Variants in HCN1 observed in about 807,000 individuals in gnomAD.
The protein encoded by HCN1 is hyperpolarization activated cyclic nucleotide gated potassium channel 1.
Under a neutral mutation model 78.9 loss-of-function variants are expected in HCN1, and 13 were observed. The ratio of observed to expected loss-of-function variants is 0.16; its 90% CI spans 0.11 to 0.26. The LOEUF (loss-of-function observed/expected upper bound fraction) is 0.26. Ranked by LOEUF, HCN1 falls within the 10% of genes least tolerant of loss-of-function variation. The pLI, the probability that HCN1 is intolerant of heterozygous loss-of-function variation, is 1.00. For missense variants in HCN1, 810 were observed against 1,154.3 expected, an observed-to-expected ratio of 0.70 and a Z score of 4.32; for synonymous variants, 552 against 455.5, an observed-to-expected ratio of 1.21 and a Z score of -2.70.
chr5:45,398,880 C>T (rs1739739849), intron 3 of HCN1, among the ~76,000 whole-genome samples: 3 of 152,178 alleles, frequency 2.0e-5, no homozygotes, highest in African/African-American at 7.2e-5. Flanking sequence ...TTTGCAGCAG[C>T]TTTCAAAACT....
chr5:45,660,556 C>T (rs976082140), intron 1 of HCN1, among the ~76,000 whole-genome samples: 25 of 151,982 alleles, frequency 1.6e-4, no homozygotes, highest in African/African-American at 5.8e-4. Context: ...ATTCAGGAAA[C>T]CCATCTCATG....
intron 3 of HCN1, among the ~76,000 whole-genome samples, chr5:45,418,011 A>G (rs1179420255): frequency 6.6e-6 from 1 of 151,928 alleles, no homozygotes; most frequent in Non-Finnish European, 1.5e-5. Flanking sequence ...GTCTCTTATT[A>G]GAATGGCATA....
intron 2 of HCN1, chr5:45,644,115 G>A (rs985032866): frequency 2.0e-5 from 3 of 152,062 alleles, no homozygotes; most frequent in Admixed American, 6.6e-5. Context: ...CACTGCTACC[G>A]CCTCACAGAA....
At chr5:45,283,526 C>G (rs1745209120) in intron 6 of HCN1, among the ~76,000 whole-genome samples, 1 of 151,958 alleles carries the variant, frequency 6.6e-6, no homozygotes, top group Non-Finnish European at 1.5e-5. Flanking sequence ...ATGCGGCCAA[C>G]AATCATATGA....
intron 2 of HCN1, chr5:45,643,539 A>G (rs919425839): frequency 3.3e-5 from 5 of 152,158 alleles, no homozygotes; most frequent in African/African-American, 1.2e-4. Context: ...TATAACTAAA[A>G]CATTATATAT....
intron 2 of HCN1, among the ~76,000 whole-genome samples, chr5:45,594,031 C>G (rs1744438451): frequency 6.6e-6 from 1 of 152,110 alleles, no homozygotes; most frequent in Non-Finnish European, 1.5e-5. Flanking sequence ...CTAGGTCAGA[C>G]ACTTTGAGAG....
chr5:45,301,224 T>C (rs1745611360), intron 6 of HCN1, among the ~76,000 whole-genome samples: 1 of 151,456 alleles, frequency 6.6e-6, no homozygotes, highest in Non-Finnish European at 1.5e-5. Flanking sequence ...CCTTCATTAA[T>C]TATTTTGGAA....
intron 5 of HCN1, among the ~76,000 whole-genome samples, chr5:45,332,833 T>A (rs1483075346): frequency 1.3e-5 from 2 of 151,782 alleles, no homozygotes; most frequent in Admixed American, 6.6e-5. Context: ...TTTTTTTTTA[T>A]GGCTGAAAAG....
intron 6 of HCN1, among the ~76,000 whole-genome samples, chr5:45,293,799 T>A (rs918475917): frequency 6.6e-6 from 1 of 151,902 alleles, no homozygotes; most frequent in Non-Finnish European, 1.5e-5. Flanking sequence ...TCTCACACAA[T>A]GAGTTAGCAA....
chr5:45,667,184 T>C (rs985620771), intron 1 of HCN1, among the ~76,000 whole-genome samples: 2 of 151,918 alleles, frequency 1.3e-5, no homozygotes, highest in African/African-American at 4.8e-5. Context: ...AGAATGATTG[T>C]GGGCATACTT....
intron 4 of HCN1, among the ~76,000 whole-genome samples, chr5:45,390,866 T>C (rs1180666240): frequency 3.3e-5 from 5 of 152,134 alleles, no homozygotes; most frequent in African/African-American, 9.7e-5. Context: ...TAAAGCAACA[T>C]TGTTGTACCA....
rs994051451 is a variant in HCN1 at position 45,371,756 on chromosome 5, CA to C, written c.1231-18511del. Among the ~76,000 whole-genome samples the C allele has an allele frequency of 1.3e-3, 165 of 125,070 alleles. 1 individual carries two copies. The highest frequency in any genetic ancestry group is 3.6e-3 in the African/African-American group (115 of 32,192). The allele number at this position is 125,070 out of a possible 152,430, so 82.1% of individuals were successfully genotyped here. A position where few individuals can be genotyped will look rare whatever the true frequency, so the allele number is the denominator to read the frequency against. ...TGGGTGACAGTGAGAGACTCCATCT[CA>C]AAAAAAAAAATATATATATATATGT... On this transcript the variant is annotated intron_variant, in intron 4 of 7. Coordinates refer to ENST00000303230, the MANE Select transcript of HCN1 (RefSeq NM_021072.4).
intron 5 of HCN1, among the ~76,000 whole-genome samples, chr5:45,344,858 C>A (rs1359363080): frequency 1.3e-5 from 2 of 152,102 alleles, no homozygotes; most frequent in African/African-American, 4.8e-5. Flanking sequence ...ATCAACCATT[C>A]TGGGGTCTGG....
intron 2 of HCN1, among the ~76,000 whole-genome samples, chr5:45,474,763 T>A (rs190643940): frequency 4.3e-4 from 65 of 152,090 alleles, no homozygotes; most frequent in Admixed American, 9.8e-4. Flanking sequence ...GGTTATACAA[T>A]CATTATCATC....
intron 6 of HCN1, among the ~76,000 whole-genome samples, chr5:45,292,133 C>T (rs927478836): frequency 6.6e-6 from 1 of 151,766 alleles, no homozygotes; most frequent in Non-Finnish European, 1.5e-5. Context: ...AATAAATGAA[C>T]ACTCTTAGGG....
intron 6 of HCN1, among the ~76,000 whole-genome samples, chr5:45,281,082 G>C (rs1205280336): frequency 6.6e-6 from 1 of 151,930 alleles, no homozygotes; most frequent in Non-Finnish European, 1.5e-5. Flanking sequence ...TGTGCAAATT[G>C]TTTATGACAG....
chr5:45,649,594 C>T (rs1745637972), intron 1 of HCN1, among the ~76,000 whole-genome samples: 1 of 151,234 alleles, frequency 6.6e-6, no homozygotes, highest in Non-Finnish European at 1.5e-5. Context: ...TTTTTTTTTA[C>T]AACCCTCAGA....
chr5:45,657,444 G>A (rs1257935857), intron 1 of HCN1, among the ~76,000 whole-genome samples: 1 of 152,074 alleles, frequency 6.6e-6, no homozygotes, highest in Non-Finnish European at 1.5e-5. Flanking sequence ...TTGCTCAATA[G>A]ATAACAGAAT....
intron 2 of HCN1, among the ~76,000 whole-genome samples, chr5:45,562,923 G>T (rs906060082): frequency 1.1e-4 from 17 of 152,232 alleles, no homozygotes; most frequent in Admixed American, 2.6e-4. Context: ...GATATGTGAT[G>T]GACCATTTAA....
Sources: gnomAD v4.1 joint callset for allele counts (sites outside exome capture counted in the v4.1 genomes callset) on GRCh38, gnomAD v4.1.1 for gene constraint, MANE v1.5 for transcripts, NCBI Gene and HGNC (gene_info 2026-07-23, HGNC 2026-07-21) for gene names.